Variants in CDH6 observed in about 807,000 individuals in gnomAD.
The protein encoded by CDH6 is cadherin 6.
A neutral mutation model predicts 78.0 loss-of-function variants in CDH6; 31 were observed. That is an observed-to-expected ratio of 0.40 (90% CI 0.30 to 0.54). The LOEUF (loss-of-function observed/expected upper bound fraction) is 0.54. Among genes scored for constraint, CDH6 ranks in the 20% least tolerant of loss-of-function variants. The pLI, the probability that CDH6 is intolerant of heterozygous loss-of-function variation, is 0.56. For missense variants in CDH6, 724 were observed against 975.9 expected (o/e 0.74, Z 3.44); for synonymous variants, 376 against 368.8 (o/e 1.02, Z -0.23).
chr5:31,236,700 A>G (rs1284779254), intron 1 of CDH6, among the ~76,000 whole-genome samples: 1 of 152,104 alleles, frequency 6.6e-6, no homozygotes, highest in Non-Finnish European at 1.5e-5. Context: ...TCCCAGTGTC[A>G]TTTTGTCCTC....
chr5:31,310,136 TA>T (rs1326548517), intron 7 of CDH6, among the ~76,000 whole-genome samples: 2 of 152,118 alleles, frequency 1.3e-5, no homozygotes, highest in Non-Finnish European at 2.9e-5. Context: ...TATGAGCCTG[TA>T]AAATAAAAAA....
At chr5:31,283,917 C>T (rs1002524081) in intron 2 of CDH6, among the ~76,000 whole-genome samples, 6 of 151,962 alleles carry the variant, frequency 3.9e-5, no homozygotes, top group South Asian at 4.2e-4. Flanking sequence ...TGGGTTCAAG[C>T]GATTCTCCTG....
chr5:31,260,336 G>A (rs917275197), intron 1 of CDH6, among the ~76,000 whole-genome samples: 1 of 152,156 alleles, frequency 6.6e-6, no homozygotes, highest in African/African-American at 2.4e-5. Flanking sequence ...ACCTTGACAT[G>A]TGGCATGCCG....
Position 31,323,454 on chromosome 5 carries a change from G to C in CDH6, c.*146G>C, listed in dbSNP as rs572768022. The C allele has an allele frequency of 1.1e-5, 10 of 933,828 alleles. No homozygotes were observed. In the South Asian group the frequency reaches 1.7e-4, roughly 16 times the overall value. The allele number at this position is 933,828 out of a possible 1,614,324, so 57.8% of individuals were successfully genotyped here. The stretch of plus-strand genomic sequence containing the variant: ...CAGTCCGTGTGGATCCAATGTTAGA[G>C]ACTTTTTTCTAGTACACTTTTATGA... On this transcript the variant is annotated 3_prime_UTR_variant, in exon 12 of 12. Coordinates refer to ENST00000265071, the MANE Select transcript of CDH6 (RefSeq NM_004932.4).
chr5:31,257,773 C>T (rs1291274565), intron 1 of CDH6, among the ~76,000 whole-genome samples: 2 of 152,132 alleles, frequency 1.3e-5, no homozygotes, highest in Non-Finnish European at 2.9e-5. Context: ...CTCATCCCTT[C>T]AATTTGTGGG....
At chr5:31,281,117 G>A (rs1742852616) in intron 2 of CDH6, among the ~76,000 whole-genome samples, 1 of 152,120 alleles carries the variant, frequency 6.6e-6, no homozygotes, top group African/African-American at 2.4e-5. Flanking sequence ...CTAAGTAAAA[G>A]TCAACATAAA....
intron 1 of CDH6, among the ~76,000 whole-genome samples, chr5:31,252,851 A>G (rs1741946761): frequency 6.6e-6 from 1 of 152,108 alleles, no homozygotes; most frequent in African/African-American, 2.4e-5. Context: ...AAATTGTTAC[A>G]TGTGCTAGTC....
intron 8 of CDH6, among the ~76,000 whole-genome samples, chr5:31,315,233 A>G (rs757418609): frequency 6.6e-6 from 1 of 152,162 alleles, no homozygotes; most frequent in Non-Finnish European, 1.5e-5. Context: ...CTGACACATT[A>G]TATATTTATG....
rs549676283 is a variant in CDH6 at position 31,326,337 on chromosome 5, T to TA, written c.*3036dup. 1 of 215,274 alleles carries TA rather than the reference T, an allele frequency of 4.6e-6. No individual in the cohort carries two copies. The highest frequency in any genetic ancestry group is 6.9e-5 in the East Asian group (1 of 14,456). The allele number at this position is 215,274 out of a possible 1,614,324, so 13.3% of individuals were successfully genotyped here. On this transcript the variant is annotated 3_prime_UTR_variant, in exon 12 of 12. Coordinates refer to ENST00000265071, the MANE Select transcript of CDH6 (RefSeq NM_004932.4). ...GATATTCCCTAGAATAAGCTGAATTTAAAAAAACATTAAGCCATTGTTTAA... is the reference window on the plus strand; with the variant it reads ...GATATTCCCTAGAATAAGCTGAATTTAAAAAAAACATTAAGCCATTGTTTAA...
chr5:31,199,716 T>TA (rs1561193698), intron 1 of CDH6, among the ~76,000 whole-genome samples: 2 of 120,304 alleles, frequency 1.7e-5, no homozygotes, highest in African/African-American at 6.7e-5. Context: ...TATATATATA[T>TA]CTCAAAGATA....
intron 2 of CDH6, among the ~76,000 whole-genome samples, chr5:31,277,303 A>C (rs1016869371): frequency 6.6e-6 from 1 of 152,186 alleles, no homozygotes; most frequent in African/African-American, 2.4e-5. Flanking sequence ...ATATTATTTC[A>C]ATTGCCATGA....
At chr5:31,206,150 A>AGCT (rs1740514420) in intron 1 of CDH6, among the ~76,000 whole-genome samples, 1 of 120,328 alleles carries the variant, frequency 8.3e-6, no homozygotes, top group South Asian at 3.3e-4. Context: ...ATAGATAGAT[A>AGCT]GATGATAGAA....
intron 2 of CDH6, among the ~76,000 whole-genome samples, chr5:31,279,482 G>A (rs1742794549): frequency 6.6e-6 from 1 of 152,120 alleles, no homozygotes; most frequent in Non-Finnish European, 1.5e-5. Context: ...GAGGTCGGAG[G>A]ATCTCTTGAG....
chr5:31,290,395 G>A (rs2149945336), intron 2 of CDH6, among the ~76,000 whole-genome samples: 1 of 152,348 alleles, frequency 6.6e-6, no homozygotes, highest in South Asian at 2.1e-4. Flanking sequence ...TCTGTGGCAA[G>A]TGGATAGTTT....
Position 31,322,895 on chromosome 5 carries a change from G to A in CDH6, c.1960G>A (p.Asp654Asn), listed in dbSNP as rs1166294441. 1 of 1,614,056 alleles carries A rather than the reference G, an allele frequency of 6.2e-7. No homozygotes were observed. The highest frequency in any genetic ancestry group is 8.5e-7 in the Non-Finnish European group (1 of 1,180,024). The change falls in exon 12 of 12, where the codon GAT (aspartate) becomes AAT (asparagine). Residue 654 changes from aspartate (D) to asparagine (N), a missense_variant. By Grantham distance (23) the Asp-to-Asn change is conservative. Coordinates refer to ENST00000265071, the MANE Select transcript of CDH6 (RefSeq NM_004932.4). ...GATCATTTCCAAAGAGGACATCAGA[G>A]ATAACATTGTCAGTTACAACGACGA... Reference protein sequence around the residue: ...PLIISKEDIRDNIVSYNDEGG... With the variant: ...PLIISKEDIRNNIVSYNDEGG...
intron 9 of CDH6, among the ~76,000 whole-genome samples, chr5:31,316,677 A>T (rs1383753983): frequency 2.0e-5 from 3 of 152,240 alleles, no homozygotes; most frequent in Non-Finnish European, 2.9e-5. Flanking sequence ...CCTATAATTC[A>T]TGATTTCACT....
intron 1 of CDH6, among the ~76,000 whole-genome samples, chr5:31,231,219 T>C (rs1741302962): frequency 6.6e-6 from 1 of 152,352 alleles, no homozygotes; most frequent in South Asian, 2.1e-4. Context: ...ATAAAATTGA[T>C]ATTTTAATCA....
chr5:31,247,740 G>C (rs1272165314), intron 1 of CDH6, among the ~76,000 whole-genome samples: 1 of 152,208 alleles, frequency 6.6e-6, no homozygotes, highest in Non-Finnish European at 1.5e-5. Context: ...ATTAGTGGTA[G>C]CATCAGAACA....
At chr5:31,246,453 G>C (rs973896265) in intron 1 of CDH6, among the ~76,000 whole-genome samples, 3 of 152,168 alleles carry the variant, frequency 2.0e-5, no homozygotes, top group African/African-American at 7.2e-5. Context: ...GGGATGGTCA[G>C]GGGGAGGAAG....
Sources: gnomAD v4.1 joint callset for allele counts (sites outside exome capture counted in the v4.1 genomes callset) on GRCh38, gnomAD v4.1.1 for gene constraint, MANE v1.5 for transcripts, NCBI Gene and HGNC (gene_info 2026-07-23, HGNC 2026-07-21) for gene names.